The following SEMA3D variants were observed in gnomAD, a reference collection of about 807,000 sequenced individuals.
The protein encoded by SEMA3D is semaphorin-3D.
A neutral mutation model predicts 100.1 loss-of-function variants in SEMA3D; 84 were observed. The observed-to-expected ratio is 0.84, with a 90% CI of 0.70 to 1.01. SEMA3D has a LOEUF of 1.01. Ranked by LOEUF, SEMA3D falls within the 50% of genes least tolerant of loss-of-function variation. The pLI, the probability that SEMA3D is intolerant of heterozygous loss-of-function variation, is 0.00. For synonymous variants in SEMA3D, 312 were observed against 320.7 expected, an observed-to-expected ratio of 0.97 and a Z score of 0.29; for missense variants, 875 against 934.1, an observed-to-expected ratio of 0.94 and a Z score of 0.82.
intron 1 of SEMA3D, among the ~76,000 whole-genome samples, chr7:85,158,444 A>C (rs745836222): frequency 6.6e-6 from 1 of 152,166 alleles, no homozygotes; most frequent in African/African-American, 2.4e-5. Flanking sequence ...TATTAGGACG[A>C]GGAAATTCCT....
the SEMA3D span, among the ~76,000 whole-genome samples, chr7:85,244,427 G>A: frequency 2.0e-5 from 3 of 152,112 alleles, no homozygotes; most frequent in East Asian, 5.8e-4. Flanking sequence ...ATGATTTTCA[G>A]AGGGGCATAA....
chr7:85,123,930 A>G (rs1366276387), intron 2 of SEMA3D, among the ~76,000 whole-genome samples: 1 of 152,072 alleles, frequency 6.6e-6, no homozygotes, highest in Non-Finnish European at 1.5e-5. Context: ...AAAATTTGAG[A>G]GACAACAGGA....
chr7:85,104,345 T>A (rs1788841253), intron 3 of SEMA3D, among the ~76,000 whole-genome samples: 1 of 152,108 alleles, frequency 6.6e-6, no homozygotes, highest in African/African-American at 2.4e-5. Context: ...GTATCTCTAA[T>A]AGTAAAATGG....
chr7:85,026,121 T>G (rs910473479), intron 12 of SEMA3D, among the ~76,000 whole-genome samples: 2 of 152,044 alleles, frequency 1.3e-5, no homozygotes, highest in African/African-American at 4.8e-5. Context: ...ATGATAGTGA[T>G]ATTTTGTGAT....
At chr7:85,248,385 T>C in the SEMA3D span, among the ~76,000 whole-genome samples, 2 of 152,126 alleles carry the variant, frequency 1.3e-5, no homozygotes, top group African/African-American at 2.4e-5. Context: ...GGAATGGAAA[T>C]TGGCATGATC....
At chr7:85,143,833 C>T (rs1161438096) in intron 2 of SEMA3D, among the ~76,000 whole-genome samples, 2 of 151,482 alleles carry the variant, frequency 1.3e-5, no homozygotes, top group Non-Finnish European at 2.9e-5. Flanking sequence ...GCTTCAGCCT[C>T]CCGAGTAGCT....
At chr7:85,200,923 T>A in the SEMA3D span, among the ~76,000 whole-genome samples, 1 of 152,216 alleles carries the variant, frequency 6.6e-6, no homozygotes, top group Non-Finnish European at 1.5e-5. Context: ...GAAAATGGAC[T>A]AATACACAGT....
intron 9 of SEMA3D, among the ~76,000 whole-genome samples, chr7:85,051,620 T>G (rs1041998613): frequency 2.6e-5 from 4 of 151,966 alleles, no homozygotes; most frequent in African/African-American, 9.7e-5. Flanking sequence ...GCCAGTGTAC[T>G]GCTGATTTTC....
intron 8 of SEMA3D, among the ~76,000 whole-genome samples, chr7:85,062,983 C>T (rs1791517569): frequency 6.6e-6 from 1 of 152,108 alleles, no homozygotes; most frequent in Non-Finnish European, 1.5e-5. Flanking sequence ...AGGTTTTAGC[C>T]TCACTTCTAC....
At chr7:85,218,003 T>C in the SEMA3D span, among the ~76,000 whole-genome samples, 1 of 152,102 alleles carries the variant, frequency 6.6e-6, no homozygotes, top group South Asian at 2.1e-4. Flanking sequence ...ATTTTGCTAT[T>C]TACAGATTTG....
chr7:85,169,287 G>C (rs1481213793), intron 1 of SEMA3D, among the ~76,000 whole-genome samples: 1 of 151,778 alleles, frequency 6.6e-6, no homozygotes, highest in Admixed American at 6.6e-5. Flanking sequence ...AATGCAGCTT[G>C]TTGGAGAAAT....
intron 5 of SEMA3D, among the ~76,000 whole-genome samples, chr7:85,075,336 G>A (rs1791892866): frequency 1.3e-5 from 2 of 151,550 alleles, no homozygotes; most frequent in Non-Finnish European, 2.9e-5. Flanking sequence ...CAGATTAGAA[G>A]CTACCAGTGA....
intron 17 of SEMA3D, among the ~76,000 whole-genome samples, chr7:85,008,830 T>C (rs1263356125): frequency 1.3e-5 from 2 of 151,784 alleles, no homozygotes; most frequent in Non-Finnish European, 2.9e-5. Context: ...TACTTTCTTA[T>C]GGTACAATGT....
At chr7:85,091,928 C>T (rs1788405808) in intron 4 of SEMA3D, among the ~76,000 whole-genome samples, 2 of 152,008 alleles carry the variant, frequency 1.3e-5, no homozygotes, top group Non-Finnish European at 2.9e-5. Flanking sequence ...ATGCAGCTCC[C>T]TTAATTTAAA....
At chr7:85,212,035 C>T in the SEMA3D span, among the ~76,000 whole-genome samples, 1 of 152,176 alleles carries the variant, frequency 6.6e-6, no homozygotes, top group South Asian at 2.1e-4. Context: ...CTGATGCCAT[C>T]ACTAATCTCC....
At chr7:85,182,320 G>C (rs945504193) in intron 1 of SEMA3D, among the ~76,000 whole-genome samples, 3 of 152,016 alleles carry the variant, frequency 2.0e-5, no homozygotes, top group Non-Finnish European at 4.4e-5. Flanking sequence ...GAGGGGTAAA[G>C]CCCTAATATT....
intron 9 of SEMA3D, among the ~76,000 whole-genome samples, chr7:85,049,830 G>A (rs559844213): frequency 6.6e-6 from 1 of 151,954 alleles, no homozygotes; most frequent in South Asian, 2.1e-4. Context: ...TTATGTGAAA[G>A]GGCCATCCAA....
At chr7:85,070,875 A>T (rs1303694825) in intron 6 of SEMA3D, among the ~76,000 whole-genome samples, 1 of 152,034 alleles carries the variant, frequency 6.6e-6, no homozygotes, top group Admixed American at 6.6e-5. Context: ...CCGCCTCCCG[A>T]GTTCAAACAA....
In SEMA3D at chr7:85,159,636, T is replaced by C. The variant is rs540036532; in HGVS notation, c.-172-5897A>G. ...CTCAATATTATCCAAAAATTTATTA[T>C]GGCTTTATCTCTAACTAGGCTTCTA... On this transcript the variant is annotated intron_variant, in intron 1 of 18. Coordinates refer to ENST00000284136, the MANE Select transcript of SEMA3D (RefSeq NM_001384900.1). Among the ~76,000 whole-genome samples the C allele has an allele frequency of 2.0e-4, 31 of 152,324 alleles. 1 individual carries two copies. The highest frequency in any genetic ancestry group is 3.4e-3 in the Middle Eastern group (1 of 294).
Sources: gnomAD v4.1 joint callset for allele counts (sites outside exome capture counted in the v4.1 genomes callset) on GRCh38, gnomAD v4.1.1 for gene constraint, MANE v1.5 for transcripts, NCBI Gene and HGNC (gene_info 2026-07-23, HGNC 2026-07-21) for gene names.